The following CEP128 variants were observed in gnomAD, a reference collection of about 807,000 sequenced individuals.
CEP128 encodes the protein centrosomal protein 128.
CEP128 carries 132 observed loss-of-function variants against 156.7 expected under a neutral mutation model. The observed-to-expected ratio is 0.84, with a 90% CI of 0.73 to 0.97. The LOEUF is 0.97. CEP128 is among the 50% of genes least tolerant of loss of function. The pLI is 0.00. For missense variants in CEP128, 1,252 were observed against 1,281.9 expected (o/e 0.98, Z 0.36); for synonymous variants, 469 against 448.9 (o/e 1.04, Z -0.57).
intron 4 of CEP128, among the ~76,000 whole-genome samples, chr14:80,909,635 T>G (rs942220362): frequency 6.6e-6 from 1 of 152,162 alleles, no homozygotes; most frequent in Non-Finnish European, 1.5e-5. Context: ...GATTTTAAAT[T>G]ACTCTTCCAA....
chr14:80,699,684 T>C (rs988837910), intron 19 of CEP128, among the ~76,000 whole-genome samples: 1 of 152,090 alleles, frequency 6.6e-6, no homozygotes, highest in Non-Finnish European at 1.5e-5. Context: ...GAACAAACGT[T>C]TATTTCTACC....
intron 2 of CEP128, among the ~76,000 whole-genome samples, chr14:80,936,415 ACAGGGAAG>A (rs890424439): frequency 1.3e-5 from 2 of 150,612 alleles, no homozygotes; most frequent in African/African-American, 2.5e-5. Context: ...AGGAAGGAAG[ACAGGGAAG>A]GAGGGAAGGA....
At chr14:80,687,680 A>C (rs1896574285) in intron 19 of CEP128, among the ~76,000 whole-genome samples, 1 of 152,166 alleles carries the variant, frequency 6.6e-6, no homozygotes. Context: ...CGTCAGCATC[A>C]TGCAATATAG....
chr14:80,837,982 A>G (rs1886166952), intron 11 of CEP128, among the ~76,000 whole-genome samples: 1 of 152,196 alleles, frequency 6.6e-6, no homozygotes, highest in Admixed American at 6.5e-5. Context: ...AATCAGCAAG[A>G]TACACCATCA....
rs147542217 is a variant in CEP128, at chr14:80,802,475, G to C, written c.1210-9365C>G. ...CACCGCATGCTCTCACTCGTAAGTGGGAGTTGAACATTGAGAACACATGGA... is the reference window on the plus strand; with the variant it reads ...CACCGCATGCTCTCACTCGTAAGTGCGAGTTGAACATTGAGAACACATGGA... On this transcript the variant is annotated intron_variant, in intron 13 of 24. Transcript: ENST00000555265. Among the ~76,000 whole-genome samples, 10 of 151,464 alleles carry C rather than the reference G, an allele frequency of 6.6e-5. No individual in the cohort carries two copies. The East Asian group carries it at 2.0e-3, about 30-fold the overall frequency.
intron 4 of CEP128, among the ~76,000 whole-genome samples, chr14:80,912,037 T>G (rs912595057): frequency 2.0e-5 from 3 of 152,108 alleles, no homozygotes; most frequent in African/African-American, 7.2e-5. Context: ...ACCAACATGG[T>G]GAAACCCCAT....
intron 19 of CEP128, among the ~76,000 whole-genome samples, chr14:80,736,257 T>A (rs10138743): frequency 0.071 from 10,397 of 147,202 alleles, 1,096 homozygotes; most frequent in African/African-American, 0.24. Context: ...TATAAGGTTT[T>A]AAAAAAAAAA....
chr14:80,747,278 G>T (rs1354672156), intron 18 of CEP128, among the ~76,000 whole-genome samples: 1 of 152,144 alleles, frequency 6.6e-6, no homozygotes, highest in Non-Finnish European at 1.5e-5. Flanking sequence ...CAAAAACTCA[G>T]ATAGAAATTA....
At chr14:80,517,435 G>A (rs1385015430) in intron 23 of CEP128, among the ~76,000 whole-genome samples, 1 of 151,858 alleles carries the variant, frequency 6.6e-6, no homozygotes, top group Non-Finnish European at 1.5e-5. Context: ...TTTTTATATA[G>A]GTAACATATT....
At chr14:80,579,119 T>C (rs1157893416) in intron 20 of CEP128, among the ~76,000 whole-genome samples, 2 of 152,218 alleles carry the variant, frequency 1.3e-5, no homozygotes, top group Admixed American at 6.5e-5. Flanking sequence ...GCCAGACATA[T>C]ACTCAATAAG....
intron 23 of CEP128, 124 bp from the exon 24 acceptor site, chr14:80,505,144 A>G: frequency 2.7e-6 from 1 of 369,922 alleles, no homozygotes; most frequent in African/African-American, 2.1e-5. Context: ...ACAATTTAAT[A>G]TAATTATAAT....
At chr14:80,811,745 T>C (rs764228799) in intron 13 of CEP128, among the ~76,000 whole-genome samples, 3 of 151,036 alleles carry the variant, frequency 2.0e-5, no homozygotes, top group African/African-American at 7.3e-5. Context: ...ATTATCCAGA[T>C]AGACAGGTAA....
intron 16 of CEP128, among the ~76,000 whole-genome samples, chr14:80,776,553 T>C (rs1416815543): frequency 6.8e-6 from 1 of 148,054 alleles, no homozygotes; most frequent in Non-Finnish European, 1.5e-5. Flanking sequence ...ATATATATTA[T>C]TATATATATT....
At chr14:80,957,941 T>C (rs1382073052) in intron 2 of CEP128, 1 of 152,040 alleles carries the variant, frequency 6.6e-6, no homozygotes, top group Non-Finnish European at 1.5e-5. Context: ...TTGAGAATAA[T>C]GGAGAGGGAG....
chr14:80,920,088 A>G (rs567935568), intron 2 of CEP128, among the ~76,000 whole-genome samples: 1 of 152,336 alleles, frequency 6.6e-6, no homozygotes, highest in South Asian at 2.1e-4. Context: ...AATAAAAGTT[A>G]GATTATTTAC....
chr14:80,581,463 T>C (rs1483512448), intron 19 of CEP128, among the ~76,000 whole-genome samples: 3 of 152,132 alleles, frequency 2.0e-5, no homozygotes, highest in Non-Finnish European at 4.4e-5. Flanking sequence ...TGCTGGTGTG[T>C]TGTAACTGGG....
At chr14:80,781,138 T>C (rs906999138) in intron 15 of CEP128, among the ~76,000 whole-genome samples, 1 of 152,184 alleles carries the variant, frequency 6.6e-6, no homozygotes, top group Non-Finnish European at 1.5e-5. Flanking sequence ...TAATCTATAT[T>C]TGTATGAGGA....
At chr14:80,945,814 T>C (rs1218506309), upstream of CEP128, 1 of 152,202 alleles carries the variant, frequency 6.6e-6, no homozygotes, top group Non-Finnish European at 1.5e-5. Context: ...GGAAATAAAC[T>C]ACACAACCAC....
At chr14:80,955,831 C>G (rs752234113) in intron 2 of CEP128, 1 of 1,614,234 alleles carries the variant, frequency 6.2e-7, no homozygotes, top group South Asian at 1.1e-5. Flanking sequence ...CCCCAGCTTA[C>G]CGCCCAGTAC....
Sources: allele counts gnomAD v4.1 joint callset (sites outside exome capture counted in the v4.1 genomes callset), GRCh38; gene constraint gnomAD v4.1.1; transcripts MANE v1.5; gene names NCBI Gene and HGNC (gene_info 2026-07-23, HGNC 2026-07-21).